Variants in HPSE2 observed in about 807,000 individuals in gnomAD.
HPSE2 encodes the protein heparanase 2 (inactive).
A neutral mutation model predicts 60.5 loss-of-function variants in HPSE2; 38 were observed. The ratio of observed to expected loss-of-function variants is 0.63; its 90% CI spans 0.48 to 0.82. The LOEUF (loss-of-function observed/expected upper bound fraction) is 0.82. HPSE2 is among the 40% of genes least tolerant of loss of function. HPSE2 has a pLI of 0.00. For missense variants in HPSE2, 713 were observed against 740.4 expected, an observed-to-expected ratio of 0.96 and a Z score of 0.43; for synonymous variants, 295 against 293.2, an observed-to-expected ratio of 1.01 and a Z score of -0.06.
intron 9 of HPSE2, among the ~76,000 whole-genome samples, chr10:98,507,414 G>T (rs1002972903): frequency 1.3e-5 from 2 of 152,138 alleles, no homozygotes; most frequent in African/African-American, 4.8e-5. Flanking sequence ...CCAGGTATAG[G>T]CTGCCATCTC....
intron 2 of HPSE2, among the ~76,000 whole-genome samples, chr10:99,156,529 A>G (rs1339863721): frequency 5.3e-5 from 7 of 131,270 alleles, no homozygotes; most frequent in East Asian, 2.5e-4. Context: ...ATGCAGAAAA[A>G]GCCTTTGACA....
intron 3 of HPSE2, among the ~76,000 whole-genome samples, chr10:98,781,306 T>TTTTTTTTG (rs66481971): frequency 1.7e-4 from 20 of 120,088 alleles, no homozygotes; most frequent in South Asian, 2.7e-4. Context: ...TTTTTTTTTT[T>TTTTTTTTG]ATTTTTAAAT....
intron 3 of HPSE2, among the ~76,000 whole-genome samples, chr10:98,747,878 G>A (rs545089831): frequency 2.6e-5 from 4 of 152,214 alleles, no homozygotes; most frequent in African/African-American, 9.6e-5. Context: ...ATCCTTCATA[G>A]CATCTAACAC....
the HPSE2 span, among the ~76,000 whole-genome samples, chr10:99,250,363 T>G: frequency 6.6e-6 from 1 of 152,140 alleles, no homozygotes; most frequent in East Asian, 1.9e-4. Flanking sequence ...AACAAAAGAA[T>G]AGACTAATAA....
intron 4 of HPSE2, among the ~76,000 whole-genome samples, chr10:98,727,176 G>C (rs1407389798): frequency 6.6e-6 from 1 of 152,130 alleles, no homozygotes; most frequent in Non-Finnish European, 1.5e-5. Flanking sequence ...TGGTATGGAA[G>C]TACAGAATTC....
At chr10:98,855,237 G>A (rs904744737) in intron 3 of HPSE2, among the ~76,000 whole-genome samples, 1 of 152,162 alleles carries the variant, frequency 6.6e-6, no homozygotes, top group Non-Finnish European at 1.5e-5. Context: ...TAGAACACCT[G>A]GGAGTCTCAC....
chr10:98,694,446 T>A (rs1321802217), intron 5 of HPSE2, among the ~76,000 whole-genome samples: 1 of 152,178 alleles, frequency 6.6e-6, no homozygotes, highest in African/African-American at 2.4e-5. Context: ...TATGCCCCAG[T>A]GAGAGGCTGC....
At chr10:98,586,092 C>G (rs972144344) in intron 9 of HPSE2, among the ~76,000 whole-genome samples, 2 of 151,462 alleles carry the variant, frequency 1.3e-5, no homozygotes, top group African/African-American at 4.9e-5. Flanking sequence ...CAGTAGACAA[C>G]AAAAAAGACA....
chr10:99,305,966 C>CGT, the HPSE2 span, among the ~76,000 whole-genome samples: 162 of 100,846 alleles, frequency 1.6e-3, 1 homozygote, highest in African/African-American at 5.1e-3. Context: ...CACACACGCG[C>CGT]GCGCGCGCGC....
At chr10:98,807,921 G>T (rs1951079304) in intron 3 of HPSE2, among the ~76,000 whole-genome samples, 3 of 152,234 alleles carry the variant, frequency 2.0e-5, no homozygotes, top group African/African-American at 7.2e-5. Flanking sequence ...TAATGATGGA[G>T]TCACTGTGAA....
intron 3 of HPSE2, among the ~76,000 whole-genome samples, chr10:98,882,089 T>C (rs1157334610): frequency 6.6e-6 from 1 of 151,962 alleles, no homozygotes; most frequent in East Asian, 1.9e-4. Context: ...TTAGTTGGCT[T>C]TTCCCTCCTA....
In HPSE2 at chr10:99,184,863, G is replaced by GAGAGAC. The variant is rs796284708; in HGVS notation, c.449-40465_449-40464insGTCTCT. On this transcript the variant is annotated intron_variant, in intron 2 of 11. Transcript: ENST00000370552. ...AGAGAGAGAGAGAGAGAGAGAGAGA[G>GAGAGAC]ACAGAAACACTGAAAAAATGATGTA... 2.2e-4 allele frequency among the ~76,000 whole-genome samples: 23 copies of GAGAGAC among 106,472 alleles called. No individual in the cohort carries two copies. In the East Asian group the frequency reaches 3.6e-3, roughly 17 times the overall value. 69.8% of individuals were successfully genotyped at this position (106,472 alleles called of 152,430 possible). A position where few individuals can be genotyped will look rare whatever the true frequency, so the allele number is the denominator to read the frequency against.
At chr10:99,305,445 T>G in the HPSE2 span, among the ~76,000 whole-genome samples, 3 of 152,110 alleles carry the variant, frequency 2.0e-5, no homozygotes, top group Admixed American at 2.0e-4. Context: ...GTGCATAAAC[T>G]GGATTAAGGT....
intron 3 of HPSE2, among the ~76,000 whole-genome samples, chr10:98,779,587 G>T (rs1950419844): frequency 6.6e-6 from 1 of 152,098 alleles, no homozygotes; most frequent in Non-Finnish European, 1.5e-5. Context: ...GTTATCTTCA[G>T]AATTCAAATA....
intron 5 of HPSE2, among the ~76,000 whole-genome samples, chr10:98,710,039 G>T (rs72840583): frequency 6.6e-6 from 1 of 152,092 alleles, no homozygotes; most frequent in Non-Finnish European, 1.5e-5. Context: ...TGTGACAGCC[G>T]TTCTACACAA....
At chr10:98,767,224 G>T (rs1385692645) in intron 3 of HPSE2, among the ~76,000 whole-genome samples, 1 of 152,000 alleles carries the variant, frequency 6.6e-6, no homozygotes, top group Non-Finnish European at 1.5e-5. Context: ...CAAGAATTTT[G>T]ACTGAAAGGC....
At chr10:98,897,449 C>A (rs1953527010) in intron 3 of HPSE2, among the ~76,000 whole-genome samples, 1 of 152,094 alleles carries the variant, frequency 6.6e-6, no homozygotes, top group Non-Finnish European at 1.5e-5. Context: ...TACAATAAAA[C>A]AGCATAAGGC....
chr10:98,774,184 A>G (rs575518758), intron 3 of HPSE2, among the ~76,000 whole-genome samples: 1 of 152,304 alleles, frequency 6.6e-6, no homozygotes, highest in South Asian at 2.1e-4. Context: ...ATACACACAT[A>G]CACAGTAAAA....
rs746579381 is a variant in HPSE2, at chr10:98,673,563, A to T, written c.1004+20337T>A. 1.8e-4 allele frequency among the ~76,000 whole-genome samples: 28 copies of T among 151,990 alleles called. 1 individual carries two copies. Among genetic ancestry groups the T allele is most frequent in the Admixed American group, 1.6e-3 (24 of 15,246 alleles). On this transcript the variant is annotated intron_variant, in intron 6 of 11. Coordinates refer to ENST00000370552, the MANE Select transcript of HPSE2 (RefSeq NM_021828.5). ...CCTCAAGAGAGCAGGGGAGCATGTG[A>T]CTCATCCACCCACAGCCACACACAA...
Sources: allele counts gnomAD v4.1 joint callset (sites outside exome capture counted in the v4.1 genomes callset), GRCh38; gene constraint gnomAD v4.1.1; transcripts MANE v1.5; gene names NCBI Gene and HGNC (gene_info 2026-07-23, HGNC 2026-07-21).